Variants in ADAMTS19 observed in about 807,000 individuals in gnomAD.
ADAMTS19 encodes the protein A disintegrin and metalloproteinase with thrombospondin motifs 19.
A neutral mutation model predicts 153.3 loss-of-function variants in ADAMTS19; 93 were observed. The observed-to-expected ratio is 0.61, with a 90% confidence interval of 0.51 to 0.72. The LOEUF is 0.72. Ranked by LOEUF, ADAMTS19 falls within the 30% of genes least tolerant of loss-of-function variation. ADAMTS19 has a pLI of 0.00. For missense variants in ADAMTS19, 1,482 were observed against 1,552.1 expected (o/e 0.95, Z 0.76); for synonymous variants, 600 against 556.6 (o/e 1.08, Z -1.10).
rs1749648813 is a variant in ADAMTS19, at chr5:129,461,361, T to TGAGGAGGAC, written c.358_366dup (p.Asp120_Glu122dup). 7.5e-7 allele frequency: 1 copy of TGAGGAGGAC among 1,338,820 alleles called. No homozygotes were observed. Among genetic ancestry groups the TGAGGAGGAC allele is most frequent in the Admixed American group, 4.1e-5 (1 of 24,106 alleles). 82.9% of individuals were successfully genotyped at this position (1,338,820 alleles called of 1,614,324 possible). The stretch of plus-strand genomic sequence containing the variant: ...TCCGGCCCCCGCCGCCGTCGGAGGG[T>TGAGGAGGAC]GAGGAGGACGAGGAGCTCGAGTCGC... On this transcript the variant is annotated inframe_insertion, in exon 2 of 23. Transcript: ENST00000274487. The surrounding 1 kb of genome is among the most constrained non-coding windows in gnomAD (Gnocchi z 4.6).
At chr5:129,552,922 T>C (rs1012161212) in intron 7 of ADAMTS19, among the ~76,000 whole-genome samples, 1 of 152,038 alleles carries the variant, frequency 6.6e-6, no homozygotes, top group Non-Finnish European at 1.5e-5. Flanking sequence ...CAAGGGAATA[T>C]TTGGTTCAGA....
intron 11 of ADAMTS19, 34 bp downstream of exon 11, chr5:129,641,994 A>C: frequency 7.4e-7 from 1 of 1,344,234 alleles, no homozygotes; most frequent in Admixed American, 1.9e-5. Context: ...TTTAATGAGC[A>C]TACTAGATGA....
chr5:129,530,334 T>G (rs1561553928), intron 6 of ADAMTS19, among the ~76,000 whole-genome samples: 1 of 152,036 alleles, frequency 6.6e-6, no homozygotes, highest in African/African-American at 2.4e-5. Context: ...GTAAGAAAAA[T>G]TATTTGAAGA....
intron 20 of ADAMTS19, among the ~76,000 whole-genome samples, chr5:129,702,423 A>G (rs149938436): frequency 1.3e-5 from 2 of 152,298 alleles, no homozygotes; most frequent in South Asian, 2.1e-4. Context: ...ATTTCAAAAT[A>G]TTATACAGGA....
At chr5:129,609,130 T>A (rs898407558) in intron 8 of ADAMTS19, among the ~76,000 whole-genome samples, 4 of 152,310 alleles carry the variant, frequency 2.6e-5, no homozygotes, top group South Asian at 2.1e-4. Context: ...GTCACAGATA[T>A]CTTCCTCTGA....
chr5:129,486,493 A>G (rs1750595869), intron 2 of ADAMTS19, among the ~76,000 whole-genome samples: 1 of 152,214 alleles, frequency 6.6e-6, no homozygotes, highest in South Asian at 2.1e-4. Context: ...AAATTATAAC[A>G]GTGTGAATTA....
At chr5:129,479,849 C>A (rs547047186) in intron 2 of ADAMTS19, among the ~76,000 whole-genome samples, 1 of 151,992 alleles carries the variant, frequency 6.6e-6, no homozygotes, top group Non-Finnish European at 1.5e-5. Context: ...ATACAAAGCT[C>A]ATGAATTAGA....
intron 21 of ADAMTS19, among the ~76,000 whole-genome samples, chr5:129,733,813 C>T (rs2127225102): frequency 6.6e-6 from 1 of 152,000 alleles, no homozygotes; most frequent in Admixed American, 6.6e-5. Context: ...GGGTATCTAT[C>T]CAAAGGAAAC....
intron 7 of ADAMTS19, among the ~76,000 whole-genome samples, chr5:129,595,899 AT>A (rs1185183046): frequency 6.6e-6 from 1 of 152,010 alleles, no homozygotes; most frequent in Non-Finnish European, 1.5e-5. Context: ...GAGTTTAAAT[AT>A]TGCCATTTTT....
At chr5:129,669,236 A>T (rs1179089363) in intron 16 of ADAMTS19, among the ~76,000 whole-genome samples, 2 of 152,078 alleles carry the variant, frequency 1.3e-5, no homozygotes, top group African/African-American at 2.4e-5. Flanking sequence ...AAACTATATG[A>T]AAAAGCTTTT....
At chr5:129,538,709 C>G (rs1001708035) in intron 6 of ADAMTS19, among the ~76,000 whole-genome samples, 5 of 152,082 alleles carry the variant, frequency 3.3e-5, no homozygotes, top group Non-Finnish European at 5.9e-5. Context: ...TTGAAGTCAT[C>G]TTACATACTG....
rs533114139 is a variant in ADAMTS19, at chr5:129,725,178, TA to T, written c.3313-9748del. 7.5e-3 allele frequency among the ~76,000 whole-genome samples: 1,137 copies of T among 152,276 alleles called. 21 individuals carry two copies. Among genetic ancestry groups the T allele is most frequent in the African/African-American group, 0.026 (1,085 of 41,554 alleles). On this transcript the variant is annotated intron_variant, in intron 21 of 22. Coordinates refer to ENST00000274487, the MANE Select transcript of ADAMTS19 (RefSeq NM_133638.6). Reference sequence around the variant, plus strand: ...TCTAGCTAGTGTATGAAAAATGTATTAAAAAACTTTAGAGCAGGAATGAAAG... The same window carrying T: ...TCTAGCTAGTGTATGAAAAATGTATTAAAAACTTTAGAGCAGGAATGAAAG...
At chr5:129,558,600 AT>A (rs1255977576) in intron 7 of ADAMTS19, among the ~76,000 whole-genome samples, 1 of 152,116 alleles carries the variant, frequency 6.6e-6, no homozygotes, top group Non-Finnish European at 1.5e-5. Context: ...AATACAATGC[AT>A]TCCATTAAAA....
At chr5:129,577,465 G>A (rs773257903) in intron 7 of ADAMTS19, among the ~76,000 whole-genome samples, 3 of 152,072 alleles carry the variant, frequency 2.0e-5, no homozygotes, top group African/African-American at 4.8e-5. Context: ...GGGATAATCC[G>A]GGAGTTCCAG....
chr5:129,632,346 G>GAT (rs577382676), intron 10 of ADAMTS19, among the ~76,000 whole-genome samples: 1,842 of 150,992 alleles, frequency 0.012, 16 homozygotes, highest in Non-Finnish European at 0.018. Context: ...CTATAGTCAT[G>GAT]ATATATATAT....
chr5:129,493,704 C>T lies in ADAMTS19; in HGVS notation c.748-15373C>T, dbSNP rs143855438. Among the ~76,000 whole-genome samples the T allele has an allele frequency of 2.4e-3, 372 of 152,160 alleles. 1 individual carries two copies. The highest frequency in any genetic ancestry group is 3.9e-3 in the Non-Finnish European group (263 of 67,952). On this transcript the variant is annotated intron_variant, in intron 2 of 22. Transcript: ENST00000274487. ...ACATTAATGTTTCTAATTCTGTTAA[C>T]AAATGCTAAAAATAATTTATGAATA...
chr5:129,584,852 G>T (rs188535929), intron 7 of ADAMTS19, among the ~76,000 whole-genome samples: 2 of 152,318 alleles, frequency 1.3e-5, no homozygotes, highest in Admixed American at 6.5e-5. Context: ...GGTGGGATCT[G>T]CTGAGCTAGA....
At chr5:129,513,648 A>G (rs1581025133) in intron 3 of ADAMTS19, among the ~76,000 whole-genome samples, 1 of 151,010 alleles carries the variant, frequency 6.6e-6, no homozygotes, top group African/African-American at 2.4e-5. Flanking sequence ...TTTTTTTTAA[A>G]TTTTTTTGTG....
intron 21 of ADAMTS19, among the ~76,000 whole-genome samples, chr5:129,730,597 C>T (rs1757395830): frequency 6.6e-6 from 1 of 152,012 alleles, no homozygotes; most frequent in Non-Finnish European, 1.5e-5. Flanking sequence ...ATACTACTTA[C>T]AGACAAGAAG....
Sources: gnomAD v4.1 joint callset for allele counts (sites outside exome capture counted in the v4.1 genomes callset) on GRCh38, gnomAD v4.1.1 for gene constraint, Gnocchi (gnomAD v3.1) non-coding constraint, MANE v1.5 for transcripts, NCBI Gene and HGNC (gene_info 2026-07-23, HGNC 2026-07-21) for gene names.